KALRN: variants seen among roughly 807,000 people sequenced by gnomAD.
The protein encoded by KALRN is kalirin.
In KALRN, 70 loss-of-function variants were observed where a neutral mutation model predicts 353.7. The ratio of observed to expected loss-of-function variants is 0.20; its 90% confidence interval spans 0.16 to 0.24. The LOEUF is 0.24. KALRN is among the 10% of genes least tolerant of loss of function. The pLI is 1.00. For synonymous variants in KALRN, 1,391 were observed against 1,434.8 expected (o/e 0.97, Z 0.69); for missense variants, 2,791 against 3,756.7 (o/e 0.74, Z 6.72).
At chr3:124,703,108 G>C (rs1157393948) in intron 57 of KALRN, among the ~76,000 whole-genome samples, 1 of 152,164 alleles carries the variant, frequency 6.6e-6, no homozygotes, top group African/African-American at 2.4e-5. Context: ...GCTCTGATTA[G>C]CATTTCTCAG....
At chr3:124,357,810 G>T (rs771923603) in intron 10 of KALRN, among the ~76,000 whole-genome samples, 2 of 152,170 alleles carry the variant, frequency 1.3e-5, no homozygotes, top group African/African-American at 4.8e-5. Flanking sequence ...CAGTAATTTT[G>T]TCTCAGTCTT....
intron 57 of KALRN, among the ~76,000 whole-genome samples, chr3:124,703,155 C>G (rs1280154117): frequency 6.6e-6 from 1 of 152,106 alleles, no homozygotes; most frequent in Non-Finnish European, 1.5e-5. Flanking sequence ...TGGTTGTGAC[C>G]GACGTTGTAG....
chr3:124,136,902 G>A (rs1055101796), intron 1 of KALRN, among the ~76,000 whole-genome samples: 2 of 152,198 alleles, frequency 1.3e-5, no homozygotes, highest in Non-Finnish European at 2.9e-5. Flanking sequence ...GGAGGCACTA[G>A]TGATGGAAAC....
chr3:124,550,584 A>C (rs1198030494), intron 33 of KALRN, among the ~76,000 whole-genome samples: 1 of 152,020 alleles, frequency 6.6e-6, no homozygotes, highest in East Asian at 1.9e-4. Flanking sequence ...GAACCCAAGC[A>C]CGTGTTTCCT....
At chr3:124,350,244 A>G (rs913490255) in intron 10 of KALRN, among the ~76,000 whole-genome samples, 3 of 152,300 alleles carry the variant, frequency 2.0e-5, no homozygotes. Flanking sequence ...CTGATGCCTG[A>G]TATTCCTTTC....
intron 10 of KALRN, among the ~76,000 whole-genome samples, chr3:124,378,294 G>A (rs2086860410): frequency 6.6e-6 from 1 of 151,928 alleles, no homozygotes; most frequent in South Asian, 2.1e-4. Context: ...TTTACATAAA[G>A]TATAGGAACC....
Position 124,720,152 on chromosome 3 carries a change from A to G in KALRN, c.*682A>G, listed in dbSNP as rs6791752. On this transcript the variant is annotated 3_prime_UTR_variant, in exon 60 of 60. Transcript: ENST00000682506. ...AGAAATCTTTTACCAGAACCTGTGC[A>G]TTAAGAGAAAGCAATGTTGCCCTTT... 6.7e-4 allele frequency: 102 copies of G among 152,784 alleles called. 2 individuals carry two copies. Among genetic ancestry groups the G allele is most frequent in the African/African-American group, 2.3e-3 (97 of 41,582 alleles). The allele number at this position is 152,784 out of a possible 1,614,324, so 9.5% of individuals were successfully genotyped here.
intron 1 of KALRN, among the ~76,000 whole-genome samples, chr3:124,066,941 C>G (rs775384044): frequency 1.3e-4 from 20 of 152,242 alleles, no homozygotes; most frequent in Non-Finnish European, 2.4e-4. Context: ...TCTCCATACT[C>G]TAGCTACGTA....
At chr3:124,120,736 A>ATATATATATATATG (rs1553774505) in intron 1 of KALRN, among the ~76,000 whole-genome samples, 1 of 144,392 alleles carries the variant, frequency 6.9e-6, no homozygotes, top group Non-Finnish European at 1.5e-5. Flanking sequence ...ATATATATAT[A>ATATATATATATATG]TATATATATT....
chr3:124,202,343 C>T (rs1392161335), intron 1 of KALRN, among the ~76,000 whole-genome samples: 1 of 152,136 alleles, frequency 6.6e-6, no homozygotes, highest in Non-Finnish European at 1.5e-5. Context: ...CTCAACCTCC[C>T]AGGCTCAAGC....
intron 2 of KALRN, among the ~76,000 whole-genome samples, chr3:124,228,700 C>T (rs762354588): frequency 2.0e-5 from 3 of 152,016 alleles, no homozygotes; most frequent in Admixed American, 6.6e-5. Context: ...ATTAGTTTCC[C>T]ATTGATGGTG....
chr3:124,446,940 CA>C lies in KALRN; in HGVS notation c.3552+57del, dbSNP rs533306827. ...TCCACCCAGAACTCTCCATTCTGGCCAATTTCACATTATGGAAGCAAAGACA... is the reference window on the plus strand; with the variant it reads ...TCCACCCAGAACTCTCCATTCTGGCCATTTCACATTATGGAAGCAAAGACA... On this transcript the variant is annotated intron_variant, in intron 21 of 59. Transcript: ENST00000682506. 351 of 1,585,690 alleles carry C rather than the reference CA, an allele frequency of 2.2e-4. 2 individuals are homozygous for C. The East Asian group carries it at 6.6e-3, about 30-fold the overall frequency.
chr3:124,596,749 C>T (rs893390202), intron 34 of KALRN, among the ~76,000 whole-genome samples: 3 of 152,128 alleles, frequency 2.0e-5, no homozygotes, highest in Non-Finnish European at 4.4e-5. Flanking sequence ...TTATTACTAT[C>T]ATTAATAAGT....
At chr3:124,551,575 T>C (rs2070539873) in intron 33 of KALRN, among the ~76,000 whole-genome samples, 1 of 152,168 alleles carries the variant, frequency 6.6e-6, no homozygotes, top group African/African-American at 2.4e-5. Context: ...GAAGATGTTA[T>C]TGACTGTTGC....
intron 34 of KALRN, among the ~76,000 whole-genome samples, chr3:124,621,532 C>A (rs2079270231): frequency 6.6e-6 from 1 of 152,186 alleles, no homozygotes; most frequent in African/African-American, 2.4e-5. Flanking sequence ...TATTCTGAGC[C>A]AAGATGCATC....
chr3:124,622,279 C>G (rs892630531), intron 34 of KALRN, among the ~76,000 whole-genome samples: 4 of 152,116 alleles, frequency 2.6e-5, no homozygotes, highest in African/African-American at 9.7e-5. Flanking sequence ...CCATTGGAGT[C>G]AAAGTTTCCA....
At chr3:124,325,425 G>C (rs900228579) in intron 6 of KALRN, among the ~76,000 whole-genome samples, 1 of 152,206 alleles carries the variant, frequency 6.6e-6, no homozygotes, top group African/African-American at 2.4e-5. Context: ...TTTTGGCAGG[G>C]CTGAAGGAGG....
chr3:124,152,192 C>A (rs980756463), intron 1 of KALRN: 14 of 1,571,928 alleles, frequency 8.9e-6, no homozygotes, highest in African/African-American at 1.3e-5. Context: ...TCTGTCAAAG[C>A]AATTCGCTTC....
intron 1 of KALRN, among the ~76,000 whole-genome samples, chr3:124,048,730 C>A (rs1177587247): frequency 6.6e-6 from 1 of 152,204 alleles, no homozygotes; most frequent in African/African-American, 2.4e-5. Context: ...GATCCGCCTG[C>A]CTTGGCCTCC....
Sources: allele counts gnomAD v4.1 joint callset (sites outside exome capture counted in the v4.1 genomes callset), GRCh38; gene constraint gnomAD v4.1.1; transcripts MANE v1.5; gene names NCBI Gene and HGNC (gene_info 2026-07-23, HGNC 2026-07-21).